The following ATP11B variants were observed in gnomAD, a reference collection of about 807,000 sequenced individuals.
ATP11B encodes ATPase phospholipid transporting 11B (putative), also known as phospholipid-transporting ATPase IF.
In ATP11B, 81 loss-of-function variants were observed where a neutral mutation model predicts 157.8. The ratio of observed to expected loss-of-function variants is 0.51; its 90% CI spans 0.43 to 0.62. ATP11B has a LOEUF of 0.62. Ranked by LOEUF, ATP11B falls within the 20% of genes least tolerant of loss-of-function variation. ATP11B has a pLI of 0.00. For synonymous variants in ATP11B, 451 were observed against 469.4 expected, an observed-to-expected ratio of 0.96 and a Z score of 0.51; for missense variants, 1,165 against 1,402.2, an observed-to-expected ratio of 0.83 and a Z score of 2.70.
intron 1 of ATP11B, among the ~76,000 whole-genome samples, chr3:182,817,896 C>T (rs1717064665): frequency 6.6e-6 from 1 of 151,826 alleles, no homozygotes; most frequent in Non-Finnish European, 1.5e-5. Context: ...TCTCAGTTGT[C>T]TTGACATCTT....
intron 1 of ATP11B, among the ~76,000 whole-genome samples, chr3:182,816,141 C>T (rs1013363096): frequency 1.3e-5 from 2 of 151,278 alleles, no homozygotes; most frequent in Non-Finnish European, 2.9e-5. Context: ...GCTCACAAGT[C>T]CAGTAAGAAA....
At chr3:182,906,327 TACTG>T (rs1724347908) in intron 28 of ATP11B, among the ~76,000 whole-genome samples, 1 of 152,228 alleles carries the variant, frequency 6.6e-6, no homozygotes, top group South Asian at 2.1e-4. Flanking sequence ...TATAGTTGGA[TACTG>T]AATTACTTAT....
chr3:182,917,699 C>T, intron 29 of ATP11B: 1 of 985,226 alleles, frequency 1.0e-6, no homozygotes, highest in Middle Eastern at 5.2e-4. Flanking sequence ...ATGTGCATAA[C>T]TCTTAATAAC....
intron 25 of ATP11B, among the ~76,000 whole-genome samples, chr3:182,894,606 AATAC>A (rs1305952418): frequency 6.6e-6 from 1 of 152,214 alleles, no homozygotes; most frequent in East Asian, 1.9e-4. Flanking sequence ...TTACAGTTGA[AATAC>A]ATTACTTCGT....
At chr3:182,838,605 TATTC>T (rs1043960858) in intron 7 of ATP11B, among the ~76,000 whole-genome samples, 19 of 152,236 alleles carry the variant, frequency 1.2e-4, no homozygotes, top group Middle Eastern at 6.8e-3. Context: ...ATGCCATTTT[TATTC>T]ATTCATTCAT....
intron 10 of ATP11B, among the ~76,000 whole-genome samples, chr3:182,849,549 TTGAA>T: frequency 6.6e-6 from 1 of 152,256 alleles, no homozygotes; most frequent in East Asian, 1.9e-4. Flanking sequence ...AAAGGAAAAT[TTGAA>T]TGAACATATG....
At chr3:182,887,458 G>A in intron 23 of ATP11B, 128 bp from the exon 24 acceptor site, 1 of 633,702 alleles carries the variant, frequency 1.6e-6, no homozygotes, top group Non-Finnish European at 2.5e-6. Context: ...TTTAATTGGA[G>A]TTACTAAAAT....
intron 1 of ATP11B, among the ~76,000 whole-genome samples, chr3:182,807,923 G>A (rs1716427027): frequency 6.6e-6 from 1 of 152,072 alleles, no homozygotes; most frequent in Admixed American, 6.5e-5. Context: ...TGAATTATAA[G>A]ATCAAATACT....
intron 10 of ATP11B, among the ~76,000 whole-genome samples, chr3:182,850,617 C>T (rs1385009269): frequency 2.6e-5 from 4 of 151,798 alleles, no homozygotes; most frequent in African/African-American, 9.7e-5. Context: ...GAAAAGAAAA[C>T]TCTTATACGT....
At chr3:182,874,039 A>C in intron 19 of ATP11B, 24 bp downstream of exon 19, 1 of 1,603,344 alleles carries the variant, frequency 6.2e-7, no homozygotes, top group Non-Finnish European at 8.5e-7. Context: ...AACCTGTATC[A>C]TACCTTTCAG....
Position 182,921,031 on chromosome 3 carries a change from A to T in ATP11B, c.*2927A>T, listed in dbSNP as rs1165507558. ...TGGAAAAGATTGTGAGATTGAACTTATCTGATCGCTTGAGACTCCTAATAG... is the reference window on the plus strand; with the variant it reads ...TGGAAAAGATTGTGAGATTGAACTTTTCTGATCGCTTGAGACTCCTAATAG... On this transcript the variant is annotated 3_prime_UTR_variant, in exon 30 of 30. Coordinates refer to ENST00000323116, the MANE Select transcript of ATP11B (RefSeq NM_014616.3). 1.3e-5 allele frequency: 2 copies of T among 152,228 alleles called. No individual in the cohort carries two copies. The highest frequency in any genetic ancestry group is 4.8e-5 in the African/African-American group (2 of 41,466). 9.4% of individuals were successfully genotyped at this position (152,228 alleles called of 1,614,324 possible).
Position 182,866,255 on chromosome 3 carries a change from T to C in ATP11B, c.1444-13T>C. 1 of 1,499,558 alleles carries C rather than the reference T, an allele frequency of 6.7e-7. No homozygotes were observed. Among genetic ancestry groups the C allele is most frequent in the Non-Finnish European group, 9.0e-7 (1 of 1,113,648 alleles). 92.9% of individuals were successfully genotyped at this position (1,499,558 alleles called of 1,614,324 possible). ...TGATATTTTTATCATGAATATTAAT[T>C]ACATTTTTACAGATTAAAGAACATG... On this transcript the variant is annotated splice_polypyrimidine_tract_variant and intron_variant, in intron 13 of 29. Transcript: ENST00000323116.
intron 28 of ATP11B, among the ~76,000 whole-genome samples, chr3:182,903,976 A>T (rs1724153235): frequency 1.3e-5 from 2 of 152,366 alleles, no homozygotes; most frequent in African/African-American, 4.8e-5. Flanking sequence ...GAGATCATAA[A>T]TCAAAGAAAT....
rs1717155986 is a variant in ATP11B, at chr3:182,819,102, AGTCTCTCCCCGTGTCCCAGGCTG to A, written c.28-1156_28-1134del. On this transcript the variant is annotated intron_variant, in intron 1 of 29. Transcript: ENST00000323116. ...TTCTTTTTTTTTTTTTTTGAGACGG[AGTCTCTCCCCGTGTCCCAGGCTG>A]GAGTGCAGTGGCGCGATTTCGGCTC... is the stretch of plus-strand genomic sequence containing the variant. Among the ~76,000 whole-genome samples, 4 of 125,800 alleles carry A rather than the reference AGTCTCTCCCCGTGTCCCAGGCTG, an allele frequency of 3.2e-5. No homozygotes were observed. In the East Asian group the frequency reaches 6.8e-4, roughly 22 times the overall value. 82.5% of individuals were successfully genotyped at this position (125,800 alleles called of 152,430 possible).
chr3:182,802,250 G>A (rs1210050814), intron 1 of ATP11B, among the ~76,000 whole-genome samples: 3 of 152,072 alleles, frequency 2.0e-5, no homozygotes, highest in African/African-American at 7.2e-5. Flanking sequence ...TATTGCAAAA[G>A]CTTCCTAGTT....
chr3:182,838,385 T>C (rs974327484), intron 7 of ATP11B, among the ~76,000 whole-genome samples: 5 of 151,942 alleles, frequency 3.3e-5, no homozygotes, highest in Non-Finnish European at 7.4e-5. Context: ...ATAAGATTAA[T>C]ATGAGATGAA....
intron 1 of ATP11B, among the ~76,000 whole-genome samples, chr3:182,810,547 A>G (rs1716600484): frequency 6.6e-6 from 1 of 152,130 alleles, no homozygotes; most frequent in Non-Finnish European, 1.5e-5. Context: ...AATTAATTAG[A>G]CAATTGTGCA....
chr3:182,833,357 A>G (rs950054966), intron 4 of ATP11B, among the ~76,000 whole-genome samples: 4 of 152,150 alleles, frequency 2.6e-5, no homozygotes, highest in Non-Finnish European at 4.4e-5. Context: ...TTAGAGTCTC[A>G]TTCTGTTGTC....
At chr3:182,830,284 C>T (rs1456454308) in intron 4 of ATP11B, among the ~76,000 whole-genome samples, 2 of 150,504 alleles carry the variant, frequency 1.3e-5, no homozygotes, top group African/African-American at 4.9e-5. Flanking sequence ...GATTATGTCA[C>T]TGCACTCCCA....
Sources: allele counts gnomAD v4.1 joint callset (sites outside exome capture counted in the v4.1 genomes callset), GRCh38; gene constraint gnomAD v4.1.1; transcripts MANE v1.5; gene names NCBI Gene and HGNC (gene_info 2026-07-23, HGNC 2026-07-21).